ERCC3: variants seen among roughly 807,000 people sequenced by gnomAD.
ERCC3 encodes ERCC excision repair 3, TFIIH core complex helicase subunit, also known as general transcription and DNA repair factor IIH helicase/translocase subunit XPB.
A neutral mutation model predicts 94.2 loss-of-function variants in ERCC3; 66 were observed. The ratio of observed to expected loss-of-function variants is 0.70; its 90% CI spans 0.57 to 0.86. The LOEUF (loss-of-function observed/expected upper bound fraction) is 0.86, where lower values mean the gene tolerates loss of function less well. ERCC3 is among the 40% of genes least tolerant of loss of function. The pLI is 0.00. For synonymous variants in ERCC3, 349 were observed against 369.1 expected, an observed-to-expected ratio of 0.95 and a Z score of 0.63; for missense variants, 829 against 987.1, an observed-to-expected ratio of 0.84 and a Z score of 2.15.
In ERCC3 at chr2:127,258,668, G is replaced by C. The variant is rs1684096238; in HGVS notation, c.2217+628C>G. 1.3e-5 allele frequency among the ~76,000 whole-genome samples: 2 copies of C among 152,188 alleles called. No homozygotes were observed. The highest frequency in any genetic ancestry group is 2.9e-5 in the Non-Finnish European group (2 of 68,038). ...AACTGAATTTCAAACGCACCTGACTGAAGTGCACTTCTCCCCTTGGACAGG... is the reference window on the plus strand; with the variant it reads ...AACTGAATTTCAAACGCACCTGACTCAAGTGCACTTCTCCCCTTGGACAGG... On this transcript the variant is annotated intron_variant, in intron 14 of 14. Transcript: ENST00000285398. This position sits in a 1 kb window ranked among gnomAD's most constrained non-coding sequence, Gnocchi z 4.1.
chr2:127,267,986 T>C (rs975117213), intron 12 of ERCC3, among the ~76,000 whole-genome samples: 15 of 152,126 alleles, frequency 9.9e-5, no homozygotes, highest in African/African-American at 3.4e-4. Context: ...AGAGTCTTGC[T>C]GTTGTTGCCC....
chr2:127,279,752 CCT>C lies in ERCC3; in HGVS notation c.1528-379_1528-378del, dbSNP rs1297830971. Among the ~76,000 whole-genome samples the C allele has an allele frequency of 2.6e-5, 4 of 151,358 alleles. No individual in the cohort carries two copies. The East Asian group carries it at 5.8e-4, about 22-fold the overall frequency. On this transcript the variant is annotated intron_variant, in intron 9 of 14. Transcript: ENST00000285398. The surrounding 1 kb of genome is among the most constrained non-coding windows in gnomAD (Gnocchi z 4.7). ...TCCAGCCTGGGTGACAGAGTGAGAC[CCT>C]GTTTTAAAAAAAAAAAAATGCTATG...
At chr2:127,261,837 G>C (rs1216989751) in intron 12 of ERCC3, 1 of 199,072 alleles carries the variant, frequency 5.0e-6, no homozygotes, top group African/African-American at 2.4e-5. Context: ...TGCCACTGTT[G>C]TCAAGGATGT....
intron 12 of ERCC3, among the ~76,000 whole-genome samples, chr2:127,270,092 T>C (rs1437828916): frequency 6.6e-6 from 1 of 152,136 alleles, no homozygotes; most frequent in East Asian, 1.9e-4. Flanking sequence ...ATGAATTATA[T>C]TCACATTTGC....
chr2:127,259,448 C>T lies in ERCC3; in HGVS notation c.2065G>A (p.Val689Met), dbSNP rs776272932. 1.2e-6 allele frequency: 2 copies of T among 1,614,182 alleles called. No homozygotes were observed. Among genetic ancestry groups the T allele is most frequent in the Non-Finnish European group, 1.7e-6 (2 of 1,180,040 alleles). The change falls in exon 14 of 15, where the codon GTG (valine) becomes ATG (methionine). Residue 689 changes from valine (V) to methionine (M), a missense_variant and splice_region_variant. Physicochemically the swap from Val to Met is conservative, Grantham distance 21. Coordinates refer to ENST00000285398, the MANE Select transcript of ERCC3 (RefSeq NM_000122.2). The surrounding 1 kb of genome is among the most constrained non-coding windows in gnomAD (Gnocchi z 4.9). ...FLVDQGYSFK[V>M]ITKLAGMEEE... is the part of the protein sequence containing the mutation. ...TCCATGCCAGCGAGTTTCGTGATCA[C>T]CTGCAAAGCCCAAGCCAGCAGACAT...
chr2:127,259,240 C>T lies in ERCC3; in HGVS notation c.2217+56G>A. On this transcript the variant is annotated intron_variant, in intron 14 of 14. Transcript: ENST00000285398. This position sits in a 1 kb window ranked among gnomAD's most constrained non-coding sequence, Gnocchi z 4.9. ...GACTACATGTCTGTGTCTGTGTCTA[C>T]AAACGCTGCCCTGTGAGAGCACTGA... 6.2e-7 allele frequency: 1 copy of T among 1,606,000 alleles called. No individual in the cohort carries two copies. Among genetic ancestry groups the T allele is most frequent in the Admixed American group, 1.7e-5 (1 of 59,966 alleles).
At chr2:127,267,159 CT>C (rs1253672614) in intron 12 of ERCC3, among the ~76,000 whole-genome samples, 6 of 152,148 alleles carry the variant, frequency 3.9e-5, no homozygotes, top group African/African-American at 1.4e-4. Flanking sequence ...TGTTAGTTTT[CT>C]GCCTCTATAA....
rs1558960761 is a variant in ERCC3, at chr2:127,286,824, A to G, written c.1221T>C (p.Ile407=). The part of the protein sequence containing the change: ...KDKPIGCSVA[I]STYSMLGHTT... The stretch of plus-strand genomic sequence containing the variant: ...TGTGGCCCAGCATGGAGTAGGTGCT[A>G]ATGGCAACGGAGCAGCCGATGGGCT... The change falls in exon 8 of 15, where the codon ATT becomes ATC. Residue 407 remains isoleucine (I), a synonymous_variant. Transcript: ENST00000285398. 6.2e-7 allele frequency: 1 copy of G among 1,614,098 alleles called. No individual in the cohort carries two copies. The highest frequency in any genetic ancestry group is 8.5e-7 in the Non-Finnish European group (1 of 1,180,050).
intron 8 of ERCC3, among the ~76,000 whole-genome samples, chr2:127,281,768 AACAC>A (rs147789931): frequency 5.3e-5 from 8 of 150,138 alleles, no homozygotes; most frequent in Admixed American, 2.7e-4. Context: ...CACACACACA[AACAC>A]ACACACACAC....
rs566656100 is a variant in ERCC3, at chr2:127,264,847, ATTTTT to A, written c.1946-3506_1946-3502del. On this transcript the variant is annotated intron_variant, in intron 12 of 14. Coordinates refer to ENST00000285398, the MANE Select transcript of ERCC3 (RefSeq NM_000122.2). This position sits in a 1 kb window ranked among gnomAD's most constrained non-coding sequence, Gnocchi z 4.4. ...GGTCCAGGACTTTTTTAGTTGGTAG[ATTTTT>A]TTTTTTTTTTTTGGAGGCGGAGTCT... Among the ~76,000 whole-genome samples, 2 of 138,640 alleles carry A rather than the reference ATTTTT, an allele frequency of 1.4e-5. No homozygotes were observed. Among genetic ancestry groups the A allele is most frequent in the Non-Finnish European group, 1.6e-5 (1 of 63,516 alleles). The allele number at this position is 138,640 out of a possible 152,430, so 91.0% of individuals were successfully genotyped here. A position where few individuals can be genotyped will look rare whatever the true frequency, so the allele number is the denominator to read the frequency against.
Position 127,267,393 on chromosome 2 carries a change from T to G in ERCC3, c.1945+3943A>C, listed in dbSNP as rs1684407615. On this transcript the variant is annotated intron_variant, in intron 12 of 14. Transcript: ENST00000285398. ...TACTGTGGCTGGTTTAAAGTCTCTTTTATCTGATGCAAGAATAGTGACCCC... is the reference window on the plus strand; with the variant it reads ...TACTGTGGCTGGTTTAAAGTCTCTTGTATCTGATGCAAGAATAGTGACCCC... Among the ~76,000 whole-genome samples, 6 of 152,162 alleles carry G rather than the reference T, an allele frequency of 3.9e-5. No homozygotes were observed. In the South Asian group the frequency reaches 1.2e-3, roughly 31 times the overall value.
chr2:127,262,994 C>G (rs1044249016), intron 12 of ERCC3: 1 of 152,160 alleles, frequency 6.6e-6, no homozygotes, highest in Non-Finnish European at 1.5e-5. Context: ...TTTCTGAGCT[C>G]TCTATTCTGC....
intron 4 of ERCC3, 136 bp from the exon 5 acceptor site, chr2:127,289,960 G>A (rs1405452528): frequency 2.4e-5 from 25 of 1,058,310 alleles, no homozygotes; most frequent in Non-Finnish European, 3.1e-5. Flanking sequence ...TCTGTACCAT[G>A]AGCTGCCGGC....
intron 10 of ERCC3, among the ~76,000 whole-genome samples, chr2:127,273,605 C>G (rs887033544): frequency 5.3e-5 from 8 of 151,704 alleles, no homozygotes. Flanking sequence ...CAAAATTAGC[C>G]GAGTGTGGTG....
At chr2:127,287,559 A>G (rs1211891455) in intron 7 of ERCC3, among the ~76,000 whole-genome samples, 1 of 152,160 alleles carries the variant, frequency 6.6e-6, no homozygotes, top group East Asian at 1.9e-4. Flanking sequence ...TCTTGAACCC[A>G]GTAGGCGGAG....
chr2:127,292,311 CCTGAATTAGTAGCCCCT>C, intron 3 of ERCC3: 1 of 481,742 alleles, frequency 2.1e-6, no homozygotes, highest in East Asian at 4.0e-5. Flanking sequence ...CTACAATGGG[CCTGAATTAGTAGCCCCT>C]CTGTGTTAAT....
chr2:127,285,051 T>C (rs1397609341), intron 8 of ERCC3, among the ~76,000 whole-genome samples: 1 of 152,096 alleles, frequency 6.6e-6, no homozygotes, highest in African/African-American at 2.4e-5. Flanking sequence ...CAAAAAACTA[T>C]ACAGCAATAA....
Position 127,271,454 on chromosome 2 carries a change from C to T in ERCC3, c.1828-1G>A, listed in dbSNP as rs755760603. ...GCAGATCAAACGAAGTGTCACCTAC[C>T]TACAGAAACAAGTTGGAAGGTTTTT... On this transcript the variant is annotated splice_acceptor_variant, in intron 11 of 14. Transcript: ENST00000285398. LOFTEE classifies it high-confidence loss of function. The surrounding 1 kb of genome is among the most constrained non-coding windows in gnomAD (Gnocchi z 5.0). The T allele has an allele frequency of 3.7e-6, 6 of 1,608,456 alleles. No homozygotes were observed. Among genetic ancestry groups the T allele is most frequent in the Non-Finnish European group, 5.1e-6 (6 of 1,175,130 alleles).
rs369393765 is a variant in ERCC3 at position 127,259,248 on chromosome 2, G to A, written c.2217+48C>T. 115 of 1,607,888 alleles carry A rather than the reference G, an allele frequency of 7.2e-5. 1 individual carries two copies. In the African/African-American group the frequency reaches 1.2e-3, roughly 17 times the overall value. ...GTCTGTGTCTGTGTCTACAAACGCT[G>A]CCCTGTGAGAGCACTGACACCTGGA... On this transcript the variant is annotated intron_variant, in intron 14 of 14. Transcript: ENST00000285398. This position sits in a 1 kb window ranked among gnomAD's most constrained non-coding sequence, Gnocchi z 4.9.
Sources: gnomAD v4.1 joint callset for allele counts (sites outside exome capture counted in the v4.1 genomes callset) on GRCh38, gnomAD v4.1.1 for gene constraint, Gnocchi (gnomAD v3.1) non-coding constraint, MANE v1.5 for transcripts, NCBI Gene and HGNC (gene_info 2026-07-23, HGNC 2026-07-21) for gene names.